The following DDR2 variants were observed in gnomAD, a reference collection of about 807,000 sequenced individuals.
The protein encoded by DDR2 is discoidin domain receptor tyrosine kinase 2.
A neutral mutation model predicts 94.9 loss-of-function variants in DDR2; 27 were observed. The observed-to-expected ratio is 0.28, with a 90% CI of 0.21 to 0.39. The LOEUF is 0.39. Ranked by LOEUF, DDR2 falls within the 10% of genes least tolerant of loss-of-function variation. The pLI is 1.00. For synonymous variants in DDR2, 382 were observed against 377.2 expected (o/e 1.01, Z -0.15); for missense variants, 783 against 1,076.0 (o/e 0.73, Z 3.81).
intron 17 of DDR2, 45 bp from the exon 18 acceptor site, chr1:162,780,067 C>T (rs571496873): frequency 8.0e-7 from 1 of 1,255,936 alleles, no homozygotes; most frequent in East Asian, 2.8e-5. Flanking sequence ...TTGTAATATT[C>T]TCTCTCTCTC....
rs1164165669 is a variant in DDR2, at chr1:162,784,305, TAAAAGAAA to T, written c.*4069_*4076del. On this transcript the variant is annotated 3_prime_UTR_variant, in exon 18 of 18. Transcript: ENST00000367921. ...AATGTTTTGCCCAAAACTACAAAAATAAAAGAAAAAAAGAAAATTGCAATACATGGCTA... is the reference window on the plus strand; with the variant it reads ...AATGTTTTGCCCAAAACTACAAAAATAAAAGAAAATTGCAATACATGGCTA... 6 of 154,268 alleles carry T rather than the reference TAAAAGAAA, an allele frequency of 3.9e-5. No individual in the cohort carries two copies. The highest frequency in any genetic ancestry group is 1.4e-4 in the African/African-American group (6 of 41,494). The allele number at this position is 154,268 out of a possible 1,614,324, so 9.6% of individuals were successfully genotyped here.
chr1:162,635,515 G>C (rs147133579), intron 1 of DDR2, among the ~76,000 whole-genome samples: 137 of 152,208 alleles, frequency 9.0e-4, no homozygotes, highest in African/African-American at 3.2e-3. Context: ...ACATTCTTGT[G>C]CCAGCTCACA....
chr1:162,668,284 A>G (rs932863566), intron 2 of DDR2, among the ~76,000 whole-genome samples: 3 of 151,954 alleles, frequency 2.0e-5, no homozygotes, highest in Admixed American at 2.0e-4. Flanking sequence ...TGATGTGAAA[A>G]CCCTGGTTAG....
rs35601567 is a variant in DDR2 at position 162,780,961 on chromosome 1, C to CA, written c.*724dup. 143,479 of 150,460 alleles carry CA rather than the reference C, an allele frequency of 0.95. 68,747 individuals are homozygous for CA. The highest frequency in any genetic ancestry group is 1 in the South Asian group (4,740 of 4,748). The allele number at this position is 150,460 out of a possible 1,614,324, so 9.3% of individuals were successfully genotyped here. On this transcript the variant is annotated 3_prime_UTR_variant, in exon 18 of 18. Transcript: ENST00000367921. Reference sequence around the variant, plus strand: ...GTGTATGAAGGGGGATTGTCATTTACAAAAAAAAAGTACCTCATGGATGGA... The same window carrying CA: ...GTGTATGAAGGGGGATTGTCATTTACAAAAAAAAAAGTACCTCATGGATGGA...
At chr1:162,658,757 G>T (rs1206843296) in intron 2 of DDR2, among the ~76,000 whole-genome samples, 1 of 151,010 alleles carries the variant, frequency 6.6e-6, no homozygotes, top group Non-Finnish European at 1.5e-5. Flanking sequence ...GAGCCTGGGA[G>T]GTTGAGGCAT....
chr1:162,777,618 A>T (rs957900198), intron 16 of DDR2: 1 of 152,206 alleles, frequency 6.6e-6, no homozygotes, highest in African/African-American at 2.4e-5. Flanking sequence ...TTAGACTGAC[A>T]TTCAGAGGAC....
At chr1:162,754,497 A>G in intron 4 of DDR2, 127 bp from the exon 5 acceptor site, 1 of 927,660 alleles carries the variant, frequency 1.1e-6, no homozygotes, top group South Asian at 1.4e-5. Context: ...TGTGGCAAGA[A>G]CCCAAAATGT....
chr1:162,778,122 C>T, intron 16 of DDR2: 1 of 258,290 alleles, frequency 3.9e-6, no homozygotes, highest in South Asian at 5.0e-5. Context: ...ACACCTGAAT[C>T]TCATTGCTGT....
intron 2 of DDR2, among the ~76,000 whole-genome samples, chr1:162,690,402 T>A (rs1157003021): frequency 6.6e-6 from 1 of 152,128 alleles, no homozygotes; most frequent in Non-Finnish European, 1.5e-5. Context: ...TGTCAACATG[T>A]GTGACACTGG....
chr1:162,715,297 AAT>A (rs1301315492), intron 2 of DDR2, among the ~76,000 whole-genome samples: 1 of 152,186 alleles, frequency 6.6e-6, no homozygotes, highest in Non-Finnish European at 1.5e-5. Context: ...CACAGCAATG[AAT>A]ATATAATGAG....
At chr1:162,651,402 T>C (rs761368203) in intron 1 of DDR2, among the ~76,000 whole-genome samples, 3 of 152,236 alleles carry the variant, frequency 2.0e-5, no homozygotes, top group Non-Finnish European at 4.4e-5. Flanking sequence ...ATTCTTTCTA[T>C]CTGACAAAAT....
At chr1:162,635,896 T>C (rs554145091) in intron 1 of DDR2, among the ~76,000 whole-genome samples, 46 of 152,302 alleles carry the variant, frequency 3.0e-4, no homozygotes, top group African/African-American at 1.1e-3. Flanking sequence ...GGCAATTCAA[T>C]TTTATTCCAT....
intron 3 of DDR2, among the ~76,000 whole-genome samples, chr1:162,724,475 C>A (rs1661562018): frequency 6.6e-6 from 1 of 152,122 alleles, no homozygotes; most frequent in African/African-American, 2.4e-5. Flanking sequence ...GCCAACTTAC[C>A]CCCACCCAGA....
At chr1:162,688,551 C>T (rs1434238223) in intron 2 of DDR2, among the ~76,000 whole-genome samples, 1 of 152,222 alleles carries the variant, frequency 6.6e-6, no homozygotes, top group Non-Finnish European at 1.5e-5. Flanking sequence ...CACAGCACTT[C>T]ACTGAACCTA....
intron 3 of DDR2, among the ~76,000 whole-genome samples, chr1:162,724,567 T>A (rs1017446259): frequency 1.3e-5 from 2 of 152,194 alleles, no homozygotes; most frequent in African/African-American, 4.8e-5. Flanking sequence ...CCACCAAGAC[T>A]GCTATGTGTT....
At chr1:162,758,950 G>T (rs754303609) in intron 7 of DDR2, among the ~76,000 whole-genome samples, 1 of 152,202 alleles carries the variant, frequency 6.6e-6, no homozygotes, top group South Asian at 2.1e-4. Context: ...GAGCCTCTTC[G>T]TGTTCTCTAA....
chr1:162,660,180 T>C (rs954810911), intron 2 of DDR2, among the ~76,000 whole-genome samples: 1 of 152,172 alleles, frequency 6.6e-6, no homozygotes, highest in Non-Finnish European at 1.5e-5. Context: ...CTCACTGATA[T>C]CTAATTGTCT....
chr1:162,657,808 C>A (rs1658075759), intron 2 of DDR2, among the ~76,000 whole-genome samples: 1 of 151,836 alleles, frequency 6.6e-6, no homozygotes, highest in South Asian at 2.1e-4. Flanking sequence ...TTCCTCTTTT[C>A]CCTTCTCCTC....
intron 3 of DDR2, among the ~76,000 whole-genome samples, chr1:162,729,292 A>AT (rs1302068654): frequency 0.015 from 345 of 23,678 alleles, 5 homozygotes; most frequent in African/African-American, 0.048. Context: ...ATATATATAT[A>AT]TATATATATT....
Sources: gnomAD v4.1 joint callset for allele counts (sites outside exome capture counted in the v4.1 genomes callset) on GRCh38, gnomAD v4.1.1 for gene constraint, MANE v1.5 for transcripts, NCBI Gene and HGNC (gene_info 2026-07-23, HGNC 2026-07-21) for gene names.